The following ATP2C2 variants were observed in gnomAD, a reference collection of about 807,000 sequenced individuals.
ATP2C2 encodes the protein calcium-transporting ATPase type 2C member 2.
A neutral mutation model predicts 110.8 loss-of-function variants in ATP2C2; 171 were observed. The ratio of observed to expected loss-of-function variants is 1.54; its 90% confidence interval spans 1.36 to 1.75. ATP2C2 has a LOEUF of 1.75. Among genes scored for constraint, ATP2C2 ranks in the 40% most tolerant of loss-of-function variants. The pLI is 0.00. For missense variants in ATP2C2, 1,963 were observed against 1,235.0 expected, an observed-to-expected ratio of 1.59 and a Z score of -8.84; for synonymous variants, 804 against 508.4, an observed-to-expected ratio of 1.58 and a Z score of -7.82.
chr16:84,427,543 C>G (rs779653563), intron 11 of ATP2C2, among the ~76,000 whole-genome samples: 7 of 152,052 alleles, frequency 4.6e-5, no homozygotes, highest in East Asian at 1.9e-4. Context: ...ATGGTGAAAC[C>G]CTGTCTCTAC....
At chr16:84,436,420 C>G (rs1392079105) in intron 11 of ATP2C2, among the ~76,000 whole-genome samples, 2 of 152,044 alleles carry the variant, frequency 1.3e-5, no homozygotes, top group Non-Finnish European at 2.9e-5. Flanking sequence ...CAGCCTGGCC[C>G]CAGGGCCTGG....
chr16:84,410,100 T>C (rs1906142048), intron 4 of ATP2C2, among the ~76,000 whole-genome samples: 1 of 152,026 alleles, frequency 6.6e-6, no homozygotes, highest in African/African-American at 2.4e-5. Context: ...TCCCAGCTAC[T>C]TGGGAGGCCG....
At chr16:84,425,713 G>A (rs763197147) in intron 10 of ATP2C2, 22 bp from the exon 11 acceptor site, 2 of 1,612,442 alleles carry the variant, frequency 1.2e-6, no homozygotes, top group East Asian at 4.5e-5. Context: ...TGGAGATAAG[G>A]ATGTTTTTGT....
At chr16:84,461,142 G>C (rs780633000) in intron 24 of ATP2C2, 1 of 322,034 alleles carries the variant, frequency 3.1e-6, no homozygotes, top group South Asian at 4.6e-5. Context: ...ATCCTCCTGT[G>C]TTACACTCTA....
chr16:84,413,330 G>A (rs1383241075), intron 6 of ATP2C2, among the ~76,000 whole-genome samples: 1 of 152,146 alleles, frequency 6.6e-6, no homozygotes, highest in Admixed American at 6.5e-5. Context: ...GCGTCTCAAA[G>A]AGTCAGCATT....
At chr16:84,462,299 G>A (rs1010789292) in intron 26 of ATP2C2, 170 bp downstream of exon 26, 30 of 826,954 alleles carry the variant, frequency 3.6e-5, no homozygotes, top group African/African-American at 5.1e-5. Flanking sequence ...GGACTCTAAC[G>A]TGGGTGATGT....
At chr16:84,461,486 G>A in intron 24 of ATP2C2, 1 of 602,744 alleles carries the variant, frequency 1.7e-6, no homozygotes, top group Non-Finnish European at 3.0e-6. Context: ...TCCACCCATA[G>A]GTGCCCTGCC....
At chr16:84,453,797 A>G (rs1910540938) in intron 20 of ATP2C2, among the ~76,000 whole-genome samples, 1 of 152,098 alleles carries the variant, frequency 6.6e-6, no homozygotes, top group African/African-American at 2.4e-5. Flanking sequence ...CTGTAATTGG[A>G]TAACGTAGAG....
At chr16:84,426,731 C>G (rs1232508793) in intron 11 of ATP2C2, among the ~76,000 whole-genome samples, 1 of 152,190 alleles carries the variant, frequency 6.6e-6, no homozygotes, top group East Asian at 1.9e-4. Flanking sequence ...ACAACTCTAT[C>G]CAAGCCCTTG....
chr16:84,442,742 C>T, intron 15 of ATP2C2, 143 bp downstream of exon 15: 1 of 770,536 alleles, frequency 1.3e-6, no homozygotes, highest in Non-Finnish European at 2.2e-6. Context: ...GGCCTTGGGC[C>T]ATCTGTTGGT....
rs758191958 is a variant in ATP2C2, at chr16:84,454,913, G to GCAGA, written c.2080_2083dup (p.Gly695AspfsTer17). The GCAGA allele has an allele frequency of 7.9e-5, 128 of 1,613,904 alleles. 1 individual carries two copies. The highest frequency in any genetic ancestry group is 1.1e-4 in the Non-Finnish European group (125 of 1,179,990). The stretch of plus-strand genomic sequence containing the variant: ...CTGCAGACATTGGGATCGCCATGGG[G>GCAGA]CAGACAGGGACGGACGTCAGCAAAG... On this transcript the variant is annotated frameshift_variant, in exon 21 of 27. Transcript: ENST00000262429. LOFTEE classifies it high-confidence loss of function.
At chr16:84,423,658 G>A (rs1029711834) in intron 10 of ATP2C2, among the ~76,000 whole-genome samples, 1 of 152,174 alleles carries the variant, frequency 6.6e-6, no homozygotes, top group Non-Finnish European at 1.5e-5. Context: ...GCCAGCAGAT[G>A]GTGAAAGAGG....
chr16:84,440,123 C>T (rs947847793), intron 13 of ATP2C2, among the ~76,000 whole-genome samples: 3 of 152,226 alleles, frequency 2.0e-5, no homozygotes, highest in African/African-American at 7.2e-5. Flanking sequence ...CAGGCGTGAG[C>T]CACCACGCCC....
chr16:84,418,432 G>A lies in ATP2C2; in HGVS notation c.624+2841G>A, dbSNP rs1261527172. On this transcript the variant is annotated intron_variant, in intron 7 of 26. Coordinates refer to ENST00000262429, the MANE Select transcript of ATP2C2 (RefSeq NM_014861.4). The stretch of plus-strand genomic sequence containing the variant: ...AACCACCTTCACTCCTTCTTGGTCC[G>A]GAGGTGCCACCTGATCTTCTACCTG... 5.9e-5 allele frequency among the ~76,000 whole-genome samples: 9 copies of A among 152,288 alleles called. No homozygotes were observed. In the East Asian group the frequency reaches 7.7e-4, roughly 13 times the overall value.
intron 7 of ATP2C2, among the ~76,000 whole-genome samples, chr16:84,419,339 C>G (rs1236533626): frequency 1.3e-5 from 2 of 151,912 alleles, no homozygotes; most frequent in African/African-American, 4.8e-5. Flanking sequence ...GCTCATGGCT[C>G]CATGTTCCCG....
chr16:84,451,499 C>G (rs775217765), intron 17 of ATP2C2, among the ~76,000 whole-genome samples: 2 of 152,224 alleles, frequency 1.3e-5, no homozygotes, highest in Non-Finnish European at 2.9e-5. Flanking sequence ...GACTTGTTGC[C>G]TGAGCCCTCT....
chr16:84,385,473 C>A (rs1247289018), intron 1 of ATP2C2, among the ~76,000 whole-genome samples: 1 of 152,176 alleles, frequency 6.6e-6, no homozygotes, highest in Non-Finnish European at 1.5e-5. Flanking sequence ...ATCATTCTCT[C>A]TCATTTAACG....
chr16:84,424,709 G>A (rs865938373), intron 10 of ATP2C2, among the ~76,000 whole-genome samples: 2 of 151,836 alleles, frequency 1.3e-5, no homozygotes, highest in Admixed American at 1.3e-4. Flanking sequence ...GCTGGTCAGC[G>A]CTTCTAGAGG....
At position 84,452,107 on chromosome 16, in the gene ATP2C2, T is replaced by G. The variant is rs2150583114; in HGVS notation, c.1831+16T>G. On this transcript the variant is annotated intron_variant, in intron 18 of 26. Transcript: ENST00000262429. ...TTGGCCATAGGTAACTGGGACAGGGTCGGGGGTGAGGACGAAAGGACCCAT... is the reference window on the plus strand; with the variant it reads ...TTGGCCATAGGTAACTGGGACAGGGGCGGGGGTGAGGACGAAAGGACCCAT... The G allele has an allele frequency of 1.2e-6, 2 of 1,613,384 alleles. No individual in the cohort carries two copies. Among genetic ancestry groups the G allele is most frequent in the East Asian group, 4.5e-5 (2 of 44,850 alleles).
Sources: gnomAD v4.1 joint callset for allele counts (sites outside exome capture counted in the v4.1 genomes callset) on GRCh38, gnomAD v4.1.1 for gene constraint, MANE v1.5 for transcripts, NCBI Gene and HGNC (gene_info 2026-07-23, HGNC 2026-07-21) for gene names.